Variants in NTRK1 observed in about 807,000 individuals in gnomAD.
The protein encoded by NTRK1 is high affinity nerve growth factor receptor.
In NTRK1, 62 loss-of-function variants were observed where a neutral mutation model predicts 86.8. The observed-to-expected ratio is 0.71, with a 90% CI of 0.58 to 0.88. The LOEUF (loss-of-function observed/expected upper bound fraction) is 0.88. NTRK1 is among the 40% of genes least tolerant of loss of function. The pLI is 0.00. For synonymous variants in NTRK1, 469 were observed against 456.6 expected, an observed-to-expected ratio of 1.03 and a Z score of -0.35; for missense variants, 967 against 1,078.4, an observed-to-expected ratio of 0.90 and a Z score of 1.45.
Position 156,876,126 on chromosome 1 carries a change from G to A in NTRK1, c.1548G>A (p.Leu516=), listed in dbSNP as rs2102917381. ...GGGACATCGTGCTCAAGTGGGAGCT[G>A]GGGGAGGGCGCCTTTGGGAAGGTCT... ...KRRDIVLKWE[L]GEGAFGKVFL... The change falls in exon 13 of 17, where the codon CTG becomes CTA. Residue 516 remains leucine (L), a synonymous_variant. Coordinates refer to ENST00000524377, the MANE Select transcript of NTRK1 (RefSeq NM_002529.4). 3 of 1,614,170 alleles carry A rather than the reference G, an allele frequency of 1.9e-6. No individual in the cohort carries two copies. Among genetic ancestry groups the A allele is most frequent in the South Asian group, 1.1e-5 (1 of 91,080 alleles).
At chr1:156,851,870 C>G in intron 2 of NTRK1, 1 of 1,575,020 alleles carries the variant, frequency 6.3e-7, no homozygotes, top group Non-Finnish European at 8.6e-7. Flanking sequence ...GGGTGCCCCC[C>G]ACCCTCCCTA....
chr1:156,851,622 T>A, intron 2 of NTRK1: 2 of 1,613,820 alleles, frequency 1.2e-6, no homozygotes, highest in Non-Finnish European at 1.7e-6. Context: ...GGAGGAGGGG[T>A]GTGGCCCCAA....
intron 1 of NTRK1, among the ~76,000 whole-genome samples, chr1:156,863,229 C>T (rs1299269930): frequency 1.3e-5 from 2 of 152,180 alleles, no homozygotes; most frequent in African/African-American, 4.8e-5. Context: ...TTGTCTATCT[C>T]GCTTTCTGTA....
intron 2 of NTRK1, among the ~76,000 whole-genome samples, chr1:156,853,325 T>C (rs528538575): frequency 2.0e-5 from 3 of 152,322 alleles, no homozygotes; most frequent in South Asian, 4.1e-4. Context: ...TCATTCCTCA[T>C]GACACCCAAT....
chr1:156,859,395 C>A (rs1655527637), upstream of NTRK1, among the ~76,000 whole-genome samples: 1 of 152,144 alleles, frequency 6.6e-6, no homozygotes, highest in African/African-American at 2.4e-5. The surrounding 1 kb of genome is among the most constrained non-coding windows in gnomAD (Gnocchi z 6.2). Context: ...GGGGCTGCAC[C>A]GCCGGAGGGG....
chr1:156,843,706 G>A (rs560022245), intron 2 of NTRK1, among the ~76,000 whole-genome samples: 2 of 152,342 alleles, frequency 1.3e-5, no homozygotes, highest in East Asian at 1.9e-4. Flanking sequence ...AGGGGCTTCC[G>A]CCCTGTCAGC....
chr1:156,857,252 G>A (rs548403768), upstream of NTRK1, among the ~76,000 whole-genome samples: 470 of 147,972 alleles, frequency 3.2e-3, 2 homozygotes, highest in South Asian at 0.023. Flanking sequence ...CAAAAAAGAG[G>A]GAGAGAGAAT....
chr1:156,844,157 G>T, intron 2 of NTRK1: 1 of 1,576,964 alleles, frequency 6.3e-7, no homozygotes, highest in Non-Finnish European at 8.7e-7. Flanking sequence ...GGTGGGGACC[G>T]GTGGGACTTA....
At position 156,822,322 on chromosome 1, in the gene NTRK1, A is replaced by G. The variant is rs1439994949; in HGVS notation, c.-64+6484A>G. On this transcript the variant is annotated intron_variant, in intron 1 of 16. Coordinates refer to the NTRK1 transcript ENST00000392302. ...AGGGTCCCCTTCAAGATGGTAGTCAAGAGTGTTTTTCTCTCGATTGAAGCC... is the reference window on the plus strand; with the variant it reads ...AGGGTCCCCTTCAAGATGGTAGTCAGGAGTGTTTTTCTCTCGATTGAAGCC... 3.3e-5 allele frequency among the ~76,000 whole-genome samples: 5 copies of G among 152,284 alleles called. No individual in the cohort carries two copies. The East Asian group carries it at 5.8e-4, about 18-fold the overall frequency.
chr1:156,848,304 C>T (rs1655080736), intron 2 of NTRK1, among the ~76,000 whole-genome samples: 1 of 152,200 alleles, frequency 6.6e-6, no homozygotes, highest in Non-Finnish European at 1.5e-5. Context: ...ATAATATCTA[C>T]CAGAGAGAGA....
intron 2 of NTRK1, chr1:156,844,885 A>G (rs775644649): frequency 6.2e-7 from 1 of 1,611,082 alleles, no homozygotes; most frequent in Non-Finnish European, 8.5e-7. Context: ...AAAGTGGTTC[A>G]TCTCACCTTA....
At chr1:156,821,374 ATACT>A (rs1654184286) in intron 1 of NTRK1, among the ~76,000 whole-genome samples, 1 of 152,066 alleles carries the variant, frequency 6.6e-6, no homozygotes, top group Non-Finnish European at 1.5e-5. Flanking sequence ...TTCCTAACAG[ATACT>A]TACTAAAGCT....
intron 2 of NTRK1, chr1:156,848,901 G>C: frequency 6.4e-7 from 1 of 1,552,550 alleles, no homozygotes; most frequent in Non-Finnish European, 8.7e-7. Context: ...CCCCGCTCCG[G>C]CCCCGCCCCC....
At chr1:156,816,810 G>T in intron 1 of NTRK1, 2 of 1,143,564 alleles carry the variant, frequency 1.7e-6, no homozygotes, top group Non-Finnish European at 2.4e-6. Flanking sequence ...CCCTGGCCCC[G>T]GGGGCAGGAA....
Position 156,851,824 on chromosome 1 carries a change from C to A in NTRK1, c.50+9631C>A, listed in dbSNP as rs765578196. The A allele has an allele frequency of 3.1e-6, 5 of 1,588,432 alleles. No homozygotes were observed. In the East Asian group the frequency reaches 6.7e-5, roughly 21 times the overall value. Reference sequence around the variant, plus strand: ...CAAGCAGATGTCCTGAGCCTTGGACCAGTTTGGGCCTCCTCAGGCCTCCTC... The same window carrying A: ...CAAGCAGATGTCCTGAGCCTTGGACAAGTTTGGGCCTCCTCAGGCCTCCTC... On this transcript the variant is annotated intron_variant, in intron 2 of 16. Coordinates refer to the NTRK1 transcript ENST00000392302.
At position 156,876,100 on chromosome 1, in the gene NTRK1, C is replaced by A. The variant is rs200575096; in HGVS notation, c.1522C>A (p.Arg508=). 1.4e-4 allele frequency: 225 copies of A among 1,614,192 alleles called. No individual in the cohort carries two copies. Among genetic ancestry groups the A allele is most frequent in the Non-Finnish European group, 1.9e-4 (220 of 1,180,034 alleles). ...SDACVHHIKR[R]DIVLKWELGE... is the part of the protein sequence containing the mutation. ...CTCAGGTGTTCACCACATCAAGCGC[C>A]GGGACATCGTGCTCAAGTGGGAGCT... The change falls in exon 13 of 17, where the codon CGG becomes AGG. Residue 508 remains arginine (R), a synonymous_variant. Transcript: ENST00000524377.
intron 16 of NTRK1, 32 bp downstream of exon 16, chr1:156,880,189 G>T (rs771959569): frequency 1.2e-6 from 2 of 1,610,384 alleles, no homozygotes; most frequent in South Asian, 2.2e-5. Flanking sequence ...CCCCTTGCTG[G>T]CCTCCCCGTC....
At chr1:156,878,015 G>A (rs1648022312) in intron 14 of NTRK1, among the ~76,000 whole-genome samples, 1 of 152,200 alleles carries the variant, frequency 6.6e-6, no homozygotes, top group African/African-American at 2.4e-5. Context: ...TGGTCTTGGG[G>A]ACACAGGCTA....
upstream of NTRK1, among the ~76,000 whole-genome samples, chr1:156,860,238 G>A (rs959581072): frequency 1.3e-5 from 2 of 152,156 alleles, no homozygotes; most frequent in African/African-American, 4.8e-5. Context: ...GGGAGCTCGC[G>A]CCTTTGCGCG....
Sources: gnomAD v4.1 joint callset for allele counts (sites outside exome capture counted in the v4.1 genomes callset) on GRCh38, gnomAD v4.1.1 for gene constraint, Gnocchi (gnomAD v3.1) non-coding constraint, MANE v1.5 for transcripts, NCBI Gene and HGNC (gene_info 2026-07-23, HGNC 2026-07-21) for gene names.